The following CTNNA2 variants were observed in gnomAD, a reference collection of about 807,000 sequenced individuals.
CTNNA2 encodes the protein catenin alpha-2.
A neutral mutation model predicts 101.0 loss-of-function variants in CTNNA2; 42 were observed. The observed-to-expected ratio is 0.42, with a 90% CI of 0.32 to 0.54. CTNNA2 has a LOEUF of 0.54. Among genes scored for constraint, CTNNA2 ranks in the 20% least tolerant of loss-of-function variants. The pLI, the probability that CTNNA2 is intolerant of heterozygous loss-of-function variation, is 0.14. For missense variants in CTNNA2, 871 were observed against 1,223.1 expected (o/e 0.71, Z 4.29); for synonymous variants, 450 against 456.4 (o/e 0.99, Z 0.18).
chr2:80,264,391 T>C (rs1023764969), intron 7 of CTNNA2, among the ~76,000 whole-genome samples: 14 of 152,204 alleles, frequency 9.2e-5, no homozygotes, highest in Non-Finnish European at 1.5e-4. Flanking sequence ...TCAATATTTG[T>C]GTCTTCACCA....
At chr2:79,650,971 A>G (rs1313225734) in intron 1 of CTNNA2, among the ~76,000 whole-genome samples, 3 of 152,008 alleles carry the variant, frequency 2.0e-5, no homozygotes, top group African/African-American at 4.8e-5. Flanking sequence ...TGAACTCATC[A>G]TTTTTTATGG....
intron 2 of CTNNA2, among the ~76,000 whole-genome samples, chr2:79,219,196 T>C (rs1254869217): frequency 1.3e-5 from 2 of 152,354 alleles, no homozygotes; most frequent in Middle Eastern, 3.4e-3. Context: ...ATATCATTTA[T>C]ATCACAATTT....
intron 1 of CTNNA2, chr2:79,634,575 G>A (rs895990521): frequency 1.3e-5 from 2 of 152,250 alleles, no homozygotes; most frequent in East Asian, 1.9e-4. Flanking sequence ...AGAATGAGCC[G>A]AACAATTAAA....
intron 7 of CTNNA2, among the ~76,000 whole-genome samples, chr2:80,392,318 T>G (rs1439219029): frequency 6.6e-6 from 1 of 152,220 alleles, no homozygotes; most frequent in Non-Finnish European, 1.5e-5. Flanking sequence ...ATCTGTAGCG[T>G]TTGACTAAAA....
chr2:80,478,418 T>A (rs1004066893), intron 9 of CTNNA2, among the ~76,000 whole-genome samples: 1 of 152,116 alleles, frequency 6.6e-6, no homozygotes. Flanking sequence ...TTTCTTTTCG[T>A]TTTTGTTACA....
intron 3 of CTNNA2, among the ~76,000 whole-genome samples, chr2:79,806,230 A>AC (rs987504323): frequency 6.6e-6 from 1 of 151,572 alleles, no homozygotes; most frequent in African/African-American, 2.4e-5. Flanking sequence ...TTTTATTTAA[A>AC]AAAAAAATAG....
intron 2 of CTNNA2, among the ~76,000 whole-genome samples, chr2:79,310,558 G>A (rs1676344046): frequency 6.6e-6 from 1 of 152,154 alleles, no homozygotes; most frequent in Admixed American, 6.5e-5. Flanking sequence ...GCACTTATTG[G>A]GTGTTGTTGT....
At chr2:80,025,484 A>G (rs1694874435) in intron 7 of CTNNA2, among the ~76,000 whole-genome samples, 1 of 152,206 alleles carries the variant, frequency 6.6e-6, no homozygotes, top group South Asian at 2.1e-4. Context: ...ATGCGAGAAG[A>G]CATCTCAGGA....
At chr2:79,272,324 C>T (rs867834449) in intron 2 of CTNNA2, among the ~76,000 whole-genome samples, 1 of 151,568 alleles carries the variant, frequency 6.6e-6, no homozygotes, top group Non-Finnish European at 1.5e-5. Context: ...TGTTTATGTG[C>T]CCATAACAGA....
Position 80,597,802 on chromosome 2 carries a change from TAA to T in CTNNA2, c.2190-6268_2190-6267del, listed in dbSNP as rs201269686. 3.2e-3 allele frequency among the ~76,000 whole-genome samples: 488 copies of T among 152,232 alleles called. 4 individuals carry two copies. In the East Asian group the frequency reaches 0.033, roughly 10 times the overall value. ...TCATGCCAGTCAGAATGGCGATCAT[TAA>T]AAAGTCAGGAAACAATAGATGCTGG... On this transcript the variant is annotated intron_variant, in intron 15 of 18. Coordinates refer to ENST00000402739, the MANE Select transcript of CTNNA2 (RefSeq NM_001282597.3).
At chr2:79,814,011 C>T (rs1026712900) in intron 3 of CTNNA2, among the ~76,000 whole-genome samples, 10 of 152,012 alleles carry the variant, frequency 6.6e-5, no homozygotes, top group Admixed American at 1.3e-4. Context: ...GCAGCTGCAT[C>T]GCTCCAATCT....
intron 7 of CTNNA2, among the ~76,000 whole-genome samples, chr2:80,208,749 A>G (rs1707695099): frequency 6.6e-6 from 1 of 152,142 alleles, no homozygotes; most frequent in Non-Finnish European, 1.5e-5. Flanking sequence ...CCCATCCACA[A>G]TGTTGAATAT....
intron 7 of CTNNA2, among the ~76,000 whole-genome samples, chr2:80,294,121 A>T (rs555335219): frequency 2.0e-5 from 3 of 152,102 alleles, no homozygotes; most frequent in Non-Finnish European, 4.4e-5. Flanking sequence ...CGGGAGAAGG[A>T]CTCAGAATTT....
chr2:79,244,792 T>C (rs1299956894), intron 2 of CTNNA2, among the ~76,000 whole-genome samples: 1 of 152,196 alleles, frequency 6.6e-6, no homozygotes, highest in Non-Finnish European at 1.5e-5. Context: ...CATTTAGAGA[T>C]AGTTATCTGT....
rs547282302 is a variant in CTNNA2 at position 80,284,994 on chromosome 2, A to C, written c.1057-108217A>C. Among the ~76,000 whole-genome samples, 4 of 152,236 alleles carry C rather than the reference A, an allele frequency of 2.6e-5. No individual in the cohort carries two copies. The South Asian group carries it at 8.3e-4, about 32-fold the overall frequency. On this transcript the variant is annotated intron_variant, in intron 7 of 18. Transcript: ENST00000402739. ...GTCCTAGTGTTTGTTCATTGCAAGA[A>C]TCAGGAAGGTTGTCTGTAGGCCAAA... is the stretch of plus-strand genomic sequence containing the variant.
intron 7 of CTNNA2, among the ~76,000 whole-genome samples, chr2:80,167,932 G>A (rs1391473162): frequency 2.0e-5 from 3 of 152,128 alleles, no homozygotes; most frequent in Non-Finnish European, 4.4e-5. Context: ...GGGGCTCTGC[G>A]GCTGTTTGTG....
chr2:80,196,692 A>G (rs921001440), intron 7 of CTNNA2, among the ~76,000 whole-genome samples: 2 of 152,000 alleles, frequency 1.3e-5, no homozygotes, highest in Non-Finnish European at 1.5e-5. Flanking sequence ...CTGGACTTCT[A>G]TGAAGCCGTT....
chr2:80,269,052 G>T (rs1673237850), intron 7 of CTNNA2, among the ~76,000 whole-genome samples: 1 of 152,240 alleles, frequency 6.6e-6, no homozygotes, highest in African/African-American at 2.4e-5. Flanking sequence ...AAGTTTTCAT[G>T]ACCATAACAT....
At chr2:79,395,811 T>G in intron 4 of CTNNA2, among the ~76,000 whole-genome samples, 1 of 152,192 alleles carries the variant, frequency 6.6e-6, no homozygotes, top group East Asian at 1.9e-4. Flanking sequence ...TTTTTAATTT[T>G]GATTTTTTTC....
Sources: gnomAD v4.1 joint callset for allele counts (sites outside exome capture counted in the v4.1 genomes callset) on GRCh38, gnomAD v4.1.1 for gene constraint, MANE v1.5 for transcripts, NCBI Gene and HGNC (gene_info 2026-07-23, HGNC 2026-07-21) for gene names.